ZEB2: variants seen among roughly 807,000 people sequenced by gnomAD.
ZEB2 encodes zinc finger E-box-binding homeobox 2.
In ZEB2, 6 loss-of-function variants were observed where a neutral mutation model predicts 99.9. The observed-to-expected ratio is 0.06, with a 90% CI of 0.03 to 0.12. The LOEUF (loss-of-function observed/expected upper bound fraction) is 0.12. Among genes scored for constraint, ZEB2 ranks in the 10% least tolerant of loss-of-function variants. The pLI, the probability that ZEB2 is intolerant of heterozygous loss-of-function variation, is 1.00. For synonymous variants in ZEB2, 517 were observed against 542.5 expected, an observed-to-expected ratio of 0.95 and a Z score of 0.65; for missense variants, 969 against 1,502.8, an observed-to-expected ratio of 0.64 and a Z score of 5.87.
intron 2 of ZEB2, among the ~76,000 whole-genome samples, chr2:144,435,599 TA>T (rs1271899949): frequency 7.4e-3 from 989 of 134,494 alleles, no homozygotes; most frequent in Admixed American, 6.8e-3. Flanking sequence ...ACCCTGTCTT[TA>T]AAAAAAAAAA....
intron 2 of ZEB2, among the ~76,000 whole-genome samples, chr2:144,440,243 A>G (rs1381884217): frequency 6.6e-6 from 1 of 152,148 alleles, no homozygotes; most frequent in Non-Finnish European, 1.5e-5. Context: ...CAAACTCATG[A>G]ATACTTCTAA....
intron 2 of ZEB2, among the ~76,000 whole-genome samples, chr2:144,446,271 T>C (rs1374925032): frequency 6.6e-6 from 1 of 152,162 alleles, no homozygotes; most frequent in African/African-American, 2.4e-5. Flanking sequence ...CATATGTTAG[T>C]AGTCAAAGGA....
chr2:144,412,533 T>C (rs887840949), intron 4 of ZEB2, among the ~76,000 whole-genome samples: 2 of 152,216 alleles, frequency 1.3e-5, no homozygotes, highest in African/African-American at 4.8e-5. Flanking sequence ...TCTGGGAGCT[T>C]GCTTGAAATG....
At chr2:144,484,719 C>G (rs892486742) in intron 2 of ZEB2, among the ~76,000 whole-genome samples, 1 of 152,146 alleles carries the variant, frequency 6.6e-6, no homozygotes, top group Non-Finnish European at 1.5e-5. Flanking sequence ...TCATCACCCT[C>G]TCTATGGTGC....
rs1703307371 is a variant in ZEB2 at position 144,401,315 on chromosome 2, A to T, written c.808-8T>A. 2 of 1,613,844 alleles carry T rather than the reference A, an allele frequency of 1.2e-6. No homozygotes were observed. Among genetic ancestry groups the T allele is most frequent in the Admixed American group, 1.7e-5 (1 of 60,018 alleles). On this transcript the variant is annotated splice_polypyrimidine_tract_variant and splice_region_variant and intron_variant, in intron 6 of 9. Coordinates refer to ENST00000627532, the MANE Select transcript of ZEB2 (RefSeq NM_014795.4). Reference sequence around the variant, plus strand: ...TTGGGTTAGCATTTGGTGCTATAAAAGGAGAAAGACTGACATCAGTTTTGT... The same window carrying T: ...TTGGGTTAGCATTTGGTGCTATAAATGGAGAAAGACTGACATCAGTTTTGT...
intron 2 of ZEB2, among the ~76,000 whole-genome samples, chr2:144,474,804 C>T (rs554212738): frequency 1.6e-4 from 24 of 152,198 alleles, no homozygotes; most frequent in Non-Finnish European, 2.2e-4. Context: ...TTGAGTATTT[C>T]GGTTCTCATT....
chr2:144,402,222 T>C (rs1461846339), intron 6 of ZEB2, among the ~76,000 whole-genome samples: 1 of 152,182 alleles, frequency 6.6e-6, no homozygotes, highest in Non-Finnish European at 1.5e-5. Context: ...AATGCAGTCA[T>C]CCACTCTGGA....
At chr2:144,416,720 T>C (rs982886096) in intron 4 of ZEB2, among the ~76,000 whole-genome samples, 2 of 152,214 alleles carry the variant, frequency 1.3e-5, no homozygotes, top group Non-Finnish European at 2.9e-5. Flanking sequence ...CAGTCTCCTT[T>C]TACATTTCAG....
At chr2:144,478,174 T>C (rs190703745) in intron 2 of ZEB2, among the ~76,000 whole-genome samples, 67 of 152,316 alleles carry the variant, frequency 4.4e-4, no homozygotes, top group African/African-American at 1.6e-3. Flanking sequence ...ACTTTACTTG[T>C]ACAAAATACC....
At chr2:144,417,031 G>A (rs1201849235) in intron 4 of ZEB2, among the ~76,000 whole-genome samples, 2 of 152,134 alleles carry the variant, frequency 1.3e-5, no homozygotes, top group Admixed American at 6.5e-5. Flanking sequence ...CATGCATTTC[G>A]TATTCGTCTA....
At chr2:144,419,586 A>T (rs899214756) in intron 4 of ZEB2, among the ~76,000 whole-genome samples, 2 of 152,224 alleles carry the variant, frequency 1.3e-5, no homozygotes, top group Non-Finnish European at 2.9e-5. Flanking sequence ...ACTAGCACGT[A>T]GGCAAACTCA....
chr2:144,419,789 A>T (rs533735995), intron 4 of ZEB2, among the ~76,000 whole-genome samples: 148 of 151,442 alleles, frequency 9.8e-4, no homozygotes, highest in African/African-American at 1.8e-3. Context: ...TTCCTTTTTT[A>T]AAAAAAAATA....
intron 2 of ZEB2, chr2:144,507,283 T>C (rs995915538): frequency 1.3e-5 from 2 of 152,112 alleles, no homozygotes; most frequent in South Asian, 2.1e-4. Flanking sequence ...TTAGATACAA[T>C]AGAGTATGAC....
intron 2 of ZEB2, among the ~76,000 whole-genome samples, chr2:144,451,644 A>C (rs867356636): frequency 6.6e-6 from 1 of 152,234 alleles, no homozygotes; most frequent in African/African-American, 2.4e-5. Flanking sequence ...TCATTTGGGA[A>C]GCTAGCAATA....
chr2:144,390,553 A>G (rs1444834887), intron 9 of ZEB2: 1 of 209,658 alleles, frequency 4.8e-6, no homozygotes, highest in Non-Finnish European at 9.7e-6. Context: ...AGGGAGTGGA[A>G]GAAACAGAGG....
At chr2:144,481,371 C>T (rs1307140772) in intron 2 of ZEB2, among the ~76,000 whole-genome samples, 2 of 152,146 alleles carry the variant, frequency 1.3e-5, no homozygotes, top group African/African-American at 4.8e-5. Flanking sequence ...CTCATTTCCT[C>T]CTGTTTCTTG....
At position 144,399,882 on chromosome 2, in the gene ZEB2, T is replaced by G. The variant is rs2149877341; in HGVS notation, c.1305A>C (p.Pro435=). Residue 435 remains proline, a synonymous_variant, in exon 8 of 10, where the codon CCA becomes CCC. Transcript: ENST00000627532. The surrounding 1 kb of genome is among the most constrained non-coding windows in gnomAD (Gnocchi z 5.6). ...CCATCCCTACACCTAAGTGCTGCAT[T>G]GGACTCTGAGCAGATGGATGAACTC... ...PLGVHPSAQS[P]MQHLGVGMEA... The G allele has an allele frequency of 1.9e-6, 3 of 1,614,218 alleles. No homozygotes were observed. Among genetic ancestry groups the G allele is most frequent in the Non-Finnish European group, 2.5e-6 (3 of 1,180,032 alleles).
At chr2:144,437,520 G>A (rs1703854234) in intron 2 of ZEB2, among the ~76,000 whole-genome samples, 1 of 152,144 alleles carries the variant, frequency 6.6e-6, no homozygotes. Context: ...GTATTAAGGG[G>A]CTTTACAGAA....
chr2:144,517,771 C>T (rs1329377104), intron 1 of ZEB2: 1 of 686,116 alleles, frequency 1.5e-6, no homozygotes, highest in Non-Finnish European at 2.7e-6. Flanking sequence ...GTCCTCAGCC[C>T]CCGGCTCGGG....
Sources: gnomAD v4.1 joint callset for allele counts (sites outside exome capture counted in the v4.1 genomes callset) on GRCh38, gnomAD v4.1.1 for gene constraint, Gnocchi (gnomAD v3.1) non-coding constraint, MANE v1.5 for transcripts, NCBI Gene and HGNC (gene_info 2026-07-23, HGNC 2026-07-21) for gene names.